Variants in IL34 observed in about 807,000 individuals in gnomAD.
IL34 encodes the protein interleukin-34.
In IL34, 17 loss-of-function variants were observed where a neutral mutation model predicts 25.3. That is an observed-to-expected ratio of 0.67 (90% confidence interval 0.46 to 1.01). The LOEUF (loss-of-function observed/expected upper bound fraction) is 1.01, where lower values mean the gene tolerates loss of function less well. Ranked by LOEUF, IL34 falls within the 50% of genes least tolerant of loss-of-function variation. The probability of loss-of-function intolerance (pLI) is 0.00; values close to 1 mark genes in which losing one functional copy is unlikely to be tolerated. For missense variants in IL34, 368 were observed against 312.9 expected (o/e 1.18, Z -1.33); for synonymous variants, 174 against 140.9 (o/e 1.23, Z -1.66).
In IL34 at chr16:70,659,716, C is replaced by G; in HGVS notation, c.501C>G (p.Asn167Lys). ...KLVRPKALLD[N>K]CFRVMELLYC... ...TGCGGCCCAAAGCCCTGCTGGACAACTGCTTCCGGGTCATGGAGCTGCTGT... is the reference window on the plus strand; with the variant it reads ...TGCGGCCCAAAGCCCTGCTGGACAAGTGCTTCCGGGTCATGGAGCTGCTGT... The change falls in exon 5 of 6, where the codon AAC becomes AAG. Residue 167 changes from asparagine to lysine, a missense_variant. Asn to Lys is a moderately conservative substitution (Grantham distance 94). Transcript: ENST00000288098. 1 of 1,609,258 alleles carries G rather than the reference C, an allele frequency of 6.2e-7. No individual in the cohort carries two copies. The highest frequency in any genetic ancestry group is 8.5e-7 in the Non-Finnish European group (1 of 1,177,866).
chr16:70,640,513 A>G (rs2051755571), intron 1 of IL34, among the ~76,000 whole-genome samples: 1 of 151,556 alleles, frequency 6.6e-6, no homozygotes, highest in Non-Finnish European at 1.5e-5. Flanking sequence ...AATCCCAGCT[A>G]CTTGGGACGC....
intron 2 of IL34, among the ~76,000 whole-genome samples, chr16:70,656,068 C>CT (rs1399072326): frequency 1.3e-5 from 2 of 152,346 alleles, no homozygotes; most frequent in East Asian, 3.9e-4. Flanking sequence ...CGTGTCCTCA[C>CT]TCTTGAGCCT....
intron 2 of IL34, 117 bp downstream of exon 2, chr16:70,654,788 GC>G: frequency 7.6e-7 from 1 of 1,318,746 alleles, no homozygotes; most frequent in South Asian, 1.7e-5. Flanking sequence ...GCCGACCATG[GC>G]CTGTTTCTCT....
rs760060340 is a variant in IL34 at position 70,660,428 on chromosome 16, C to T, written c.*241C>T. 2 of 455,198 alleles carry T rather than the reference C, an allele frequency of 4.4e-6. No homozygotes were observed. Among genetic ancestry groups the T allele is most frequent in the East Asian group, 3.5e-5 (1 of 28,384 alleles). The allele number at this position is 455,198 out of a possible 1,614,324, so 28.2% of individuals were successfully genotyped here. ...GGGGACCTGAAGGTGGATGGGGACA[C>T]AGCTCCTGGCTTCTCCTGGTGCTGC... On this transcript the variant is annotated 3_prime_UTR_variant, in exon 6 of 6. Transcript: ENST00000288098.
At chr16:70,631,034 G>A (rs972458160) in intron 1 of IL34, among the ~76,000 whole-genome samples, 6 of 152,246 alleles carry the variant, frequency 3.9e-5, no homozygotes, top group African/African-American at 1.2e-4. Context: ...TGGATCATAT[G>A]GTAGCCTAAA....
intron 1 of IL34, among the ~76,000 whole-genome samples, chr16:70,647,515 A>G (rs1024025286): frequency 1.3e-5 from 2 of 152,164 alleles, no homozygotes; most frequent in South Asian, 4.1e-4. Flanking sequence ...GACAGAAAGG[A>G]AAAAAAGGAT....
chr16:70,585,978 C>T lies in IL34; in HGVS notation c.-401+5929C>T, dbSNP rs750915874. Among the ~76,000 whole-genome samples, 14 of 151,910 alleles carry T rather than the reference C, an allele frequency of 9.2e-5. No individual in the cohort carries two copies. The South Asian group carries it at 1.3e-3, about 14-fold the overall frequency. ...CCTCCCAAGTAGCTGGGACTACAGG[C>T]GCCCACCACCATGCCCGGCTAATTT... On this transcript the variant is annotated intron_variant, in intron 1 of 6. Transcript: ENST00000429149.
chr16:70,643,097 CTG>C (rs1298946983), upstream of IL34, among the ~76,000 whole-genome samples: 2 of 152,142 alleles, frequency 1.3e-5, no homozygotes, highest in African/African-American at 4.8e-5. Flanking sequence ...GGATCTCACT[CTG>C]TCACCCAGGC....
intron 1 of IL34, among the ~76,000 whole-genome samples, chr16:70,618,174 A>G (rs938233326): frequency 6.6e-6 from 1 of 152,122 alleles, no homozygotes; most frequent in African/African-American, 2.4e-5. Context: ...GGCTTGTACT[A>G]TAGCATAGCC....
At chr16:70,639,091 G>C (rs987013427) in intron 1 of IL34, among the ~76,000 whole-genome samples, 1 of 152,172 alleles carries the variant, frequency 6.6e-6, no homozygotes, top group Admixed American at 6.5e-5. Context: ...TATTTCACCT[G>C]AGAACACTCC....
chr16:70,642,097 C>G (rs1234758168), upstream of IL34, among the ~76,000 whole-genome samples: 2 of 152,154 alleles, frequency 1.3e-5, no homozygotes, highest in Non-Finnish European at 2.9e-5. Context: ...AATCTGTTTT[C>G]TCACCATTCT....
upstream of IL34, among the ~76,000 whole-genome samples, chr16:70,644,730 GGGAAGA>G (rs2051867653): frequency 1.4e-5 from 2 of 142,414 alleles, no homozygotes; most frequent in South Asian, 2.4e-4. Context: ...GAGGGGGAGG[GGGAAGA>G]GGAAGAGGAG....
intron 1 of IL34, among the ~76,000 whole-genome samples, chr16:70,607,515 C>T (rs1472618798): frequency 6.6e-6 from 1 of 152,206 alleles, no homozygotes; most frequent in Admixed American, 6.5e-5. Flanking sequence ...TGGCTGGAAT[C>T]TCCAGCACAA....
At chr16:70,635,809 A>G (rs149144856) in intron 1 of IL34, among the ~76,000 whole-genome samples, 2,258 of 152,288 alleles carry the variant, frequency 0.015, 36 homozygotes, top group Non-Finnish European at 0.023. Context: ...AATTATAACA[A>G]TAGCAAATAC....
rs925501210 is a variant in IL34, at chr16:70,652,381, C to T, written c.29-2157C>T. Among the ~76,000 whole-genome samples, 3 of 152,020 alleles carry T rather than the reference C, an allele frequency of 2.0e-5. No individual in the cohort carries two copies. In the East Asian group the frequency reaches 5.8e-4, roughly 29 times the overall value. On this transcript the variant is annotated intron_variant, in intron 1 of 5. Transcript: ENST00000288098. ...GCTGAGGCAGGAGGATTGCTTGAAC[C>T]CAGGAGTTTGAGATTGCAGTGAACA...
chr16:70,583,941 C>T (rs575330554), intron 1 of IL34, among the ~76,000 whole-genome samples: 2 of 152,154 alleles, frequency 1.3e-5, no homozygotes, highest in Non-Finnish European at 2.9e-5. Flanking sequence ...CGTGAACCAC[C>T]GTGCCTGGCC....
At chr16:70,611,303 C>T (rs1334187577) in intron 1 of IL34, among the ~76,000 whole-genome samples, 1 of 152,106 alleles carries the variant, frequency 6.6e-6, no homozygotes. Flanking sequence ...GCTCTTGTAT[C>T]CACTTCCTAG....
intron 1 of IL34, among the ~76,000 whole-genome samples, chr16:70,649,003 A>G (rs2052012884): frequency 6.6e-6 from 1 of 151,966 alleles, no homozygotes; most frequent in African/African-American, 2.4e-5. Context: ...TCTTCTTCCT[A>G]GGACACTAGT....
intron 1 of IL34, among the ~76,000 whole-genome samples, chr16:70,649,859 C>A (rs1444933023): frequency 6.6e-6 from 1 of 152,168 alleles, no homozygotes; most frequent in Admixed American, 6.5e-5. Flanking sequence ...AGTGCTGCGG[C>A]ACGATCTCAG....
Sources: gnomAD v4.1 joint callset for allele counts (sites outside exome capture counted in the v4.1 genomes callset) on GRCh38, gnomAD v4.1.1 for gene constraint, MANE v1.5 for transcripts, NCBI Gene and HGNC (gene_info 2026-07-23, HGNC 2026-07-21) for gene names.